Variants in CAMSAP1 observed in about 807,000 individuals in gnomAD.
CAMSAP1 encodes the protein calmodulin regulated spectrin associated protein 1.
Under a neutral mutation model 143.5 loss-of-function variants are expected in CAMSAP1, and 58 were observed. That is an observed-to-expected ratio of 0.40 (90% CI 0.33 to 0.50). The LOEUF (loss-of-function observed/expected upper bound fraction) is 0.50. Among genes scored for constraint, CAMSAP1 ranks in the 20% least tolerant of loss-of-function variants. The pLI is 0.45. For synonymous variants in CAMSAP1, 945 were observed against 859.3 expected (o/e 1.10, Z -1.74); for missense variants, 1,969 against 2,115.7 (o/e 0.93, Z 1.36).
chr9:135,822,366 A>G lies in CAMSAP1; in HGVS notation c.2295T>C (p.Ile765=). ...GCAGTTTGGCCGACTCTTCCTCCCC[A>G]ATGTATCTGCTGAAAACCACAGGAT... ...EAHPVVFSRY[I]GEEESAKLQE... Residue 765 remains isoleucine, a synonymous_variant, in exon 11 of 17, where the codon ATT becomes ATC. Coordinates refer to ENST00000389532, the MANE Select transcript of CAMSAP1 (RefSeq NM_015447.4). The surrounding 1 kb of genome is among the most constrained non-coding windows in gnomAD (Gnocchi z 6.1). The G allele has an allele frequency of 1.2e-6, 2 of 1,613,842 alleles. No individual in the cohort carries two copies. Among genetic ancestry groups the G allele is most frequent in the Non-Finnish European group, 1.7e-6 (2 of 1,179,880 alleles).
In CAMSAP1 at chr9:135,819,071, C is replaced by T. The variant is rs1463665091; in HGVS notation, c.3898G>A (p.Glu1300Lys). ...FLLKQQRKAEEARVRKQQLEA... is the reference protein window; with the variant it reads ...FLLKQQRKAEKARVRKQQLEA... ...AGCTGCTGCTTGCGCACGCGGGCCT[C>T]CTCGGCCTTGCGCTGCTGCTTCAGG... The change falls in exon 12 of 17, where the codon GAG becomes AAG. Residue 1300 changes from glutamate (E) to lysine (K), a missense_variant. By Grantham distance (56) the Glu-to-Lys change is moderately conservative (BLOSUM62 1). This residue lies in a region of CAMSAP1 where 1,390 missense variants were observed against 1,420.8 expected (regional missense o/e 0.98). Transcript: ENST00000389532. 6.2e-7 allele frequency: 1 copy of T among 1,605,316 alleles called. No individual in the cohort carries two copies. The highest frequency in any genetic ancestry group is 1.7e-5 in the Admixed American group (1 of 59,308).
Position 135,811,418 on chromosome 9 carries a change from A to G in CAMSAP1, c.4700T>C (p.Leu1567Ser). Reference sequence around the variant, plus strand: ...GACAGACATGGTTTTGGCTGGGATCAAGTTAAACTGTTTTCGGTCTGAGCT... The same window carrying G: ...GACAGACATGGTTTTGGCTGGGATCGAGTTAAACTGTTTTCGGTCTGAGCT... ...KYSSDRKQFNLIPAKTMSVSV... is the reference protein window; with the variant it reads ...KYSSDRKQFNSIPAKTMSVSV... The change falls in exon 17 of 17, where the codon TTG becomes TCG. Residue 1567 changes from leucine to serine, a missense_variant. Physicochemically the swap from Leu to Ser is moderately radical, Grantham distance 145. Coordinates refer to ENST00000389532, the MANE Select transcript of CAMSAP1 (RefSeq NM_015447.4). This position sits in a 1 kb window ranked among gnomAD's most constrained non-coding sequence, Gnocchi z 4.9. 1.9e-6 allele frequency: 3 copies of G among 1,612,968 alleles called. No individual in the cohort carries two copies. The highest frequency in any genetic ancestry group is 2.5e-6 in the Non-Finnish European group (3 of 1,179,420).
intron 1 of CAMSAP1, among the ~76,000 whole-genome samples, chr9:135,887,396 G>A (rs1478126250): frequency 3.3e-5 from 5 of 152,204 alleles, no homozygotes; most frequent in African/African-American, 7.2e-5. Flanking sequence ...AGAGACAGCC[G>A]CAGGCACAGA....
chr9:135,893,283 G>GA (rs574970229), intron 1 of CAMSAP1, among the ~76,000 whole-genome samples: 3 of 136,672 alleles, frequency 2.2e-5, no homozygotes, highest in African/African-American at 8.1e-5. Context: ...AAGAAAAAAA[G>GA]AAAAAAGGCA....
intron 7 of CAMSAP1, among the ~76,000 whole-genome samples, chr9:135,843,983 C>T (rs1453445071): frequency 6.6e-6 from 1 of 151,326 alleles, no homozygotes; most frequent in African/African-American, 2.4e-5. Flanking sequence ...TAGAAAGAGA[C>T]TTACACTGCC....
chr9:135,903,499 G>A (rs73561650), intron 1 of CAMSAP1, among the ~76,000 whole-genome samples: 2,764 of 152,272 alleles, frequency 0.018, 92 homozygotes, highest in African/African-American at 0.064. Flanking sequence ...ACAAGGCCTC[G>A]CCAAGGGCAA....
chr9:135,837,400 T>C (rs1392418518), intron 7 of CAMSAP1, among the ~76,000 whole-genome samples: 1 of 149,310 alleles, frequency 6.7e-6, no homozygotes, highest in South Asian at 2.1e-4. Flanking sequence ...TTCTGCCCGT[T>C]GTACAGACAC....
Position 135,818,989 on chromosome 9 carries a change from C to G in CAMSAP1, c.3959+21G>C. ...ACCAGGCTCCTGCTCAGTCTGCTTTCCCCCCCGGCGGGACGCTTACCGGGC... is the reference window on the plus strand; with the variant it reads ...ACCAGGCTCCTGCTCAGTCTGCTTTGCCCCCCGGCGGGACGCTTACCGGGC... On this transcript the variant is annotated intron_variant, in intron 12 of 16. Coordinates refer to ENST00000389532, the MANE Select transcript of CAMSAP1 (RefSeq NM_015447.4). The surrounding 1 kb of genome is among the most constrained non-coding windows in gnomAD (Gnocchi z 7.7). 1.9e-6 allele frequency: 3 copies of G among 1,600,290 alleles called. No individual in the cohort carries two copies. Among genetic ancestry groups the G allele is most frequent in the Non-Finnish European group, 2.5e-6 (3 of 1,177,778 alleles).
At position 135,821,743 on chromosome 9, in the gene CAMSAP1, T is replaced by C. The variant is rs1399015409; in HGVS notation, c.2918A>G (p.Asp973Gly). Residue 973 changes from aspartate (D) to glycine (G), a missense_variant, in exon 11 of 17, where the codon GAT becomes GGT. Coordinates refer to ENST00000389532, the MANE Select transcript of CAMSAP1 (RefSeq NM_015447.4). This position sits in a 1 kb window ranked among gnomAD's most constrained non-coding sequence, Gnocchi z 4.6. ...QREELLHEPQ[D>G]VDKESLAFAQ... ...AAAGGCCAGGCTCTCTTTGTCCACA[T>C]CCTGTGGCTCGTGAAGGAGCTCCTC... The C allele has an allele frequency of 4.3e-6, 7 of 1,613,886 alleles. No individual in the cohort carries two copies. Among genetic ancestry groups the C allele is most frequent in the Non-Finnish European group, 5.9e-6 (7 of 1,179,882 alleles).
At chr9:135,878,544 A>G (rs1837827995) in intron 3 of CAMSAP1, among the ~76,000 whole-genome samples, 1 of 152,226 alleles carries the variant, frequency 6.6e-6, no homozygotes, top group African/African-American at 2.4e-5. Flanking sequence ...ACCCTTATGG[A>G]AATCGTACCA....
At chr9:135,843,175 A>G (rs1279896716) in intron 7 of CAMSAP1, among the ~76,000 whole-genome samples, 1 of 152,024 alleles carries the variant, frequency 6.6e-6, no homozygotes, top group Non-Finnish European at 1.5e-5. Context: ...TAAAAATACA[A>G]AATTAGCCAG....
intron 7 of CAMSAP1, among the ~76,000 whole-genome samples, chr9:135,845,323 CAT>C (rs1324364606): frequency 6.6e-6 from 1 of 152,188 alleles, no homozygotes; most frequent in African/African-American, 2.4e-5. Flanking sequence ...AACACCCCTT[CAT>C]ACTAAAAACT....
At chr9:135,867,297 T>A (rs1290702937) in intron 3 of CAMSAP1, among the ~76,000 whole-genome samples, 1 of 151,954 alleles carries the variant, frequency 6.6e-6, no homozygotes, top group Non-Finnish European at 1.5e-5. Context: ...AATGAGAAAG[T>A]AGAAGAAAGG....
At chr9:135,887,735 A>T (rs1201190972) in intron 1 of CAMSAP1, among the ~76,000 whole-genome samples, 2 of 151,982 alleles carry the variant, frequency 1.3e-5, no homozygotes, top group Non-Finnish European at 2.9e-5. Flanking sequence ...CCCAGCCTGG[A>T]GGAAGTGGGG....
chr9:135,842,531 CG>C (rs1836395930), intron 7 of CAMSAP1, among the ~76,000 whole-genome samples: 1 of 152,090 alleles, frequency 6.6e-6, no homozygotes, highest in South Asian at 2.1e-4. Context: ...AACCCCAAGA[CG>C]CAATCATCAG....
In CAMSAP1 at chr9:135,862,576, C is replaced by T. The variant is rs767665777; in HGVS notation, c.699G>A (p.Arg233=). The change falls in exon 5 of 17, where the codon AGG becomes AGA. Residue 233 remains arginine, a synonymous_variant. Transcript: ENST00000389532. ...CCAACAACGGGAAGTAGGGTGACTGCCTAGCAGAAAGGTGCTCTCGTCGAT... is the reference window on the plus strand; with the variant it reads ...CCAACAACGGGAAGTAGGGTGACTGTCTAGCAGAAAGGTGCTCTCGTCGAT... The part of the protein sequence containing the change: ...VRYRREHLSA[R]QSPYFPLLED... 166 of 1,551,556 alleles carry T rather than the reference C, an allele frequency of 1.1e-4. 1 individual carries two copies. The highest frequency in any genetic ancestry group is 2.3e-4 in the South Asian group (19 of 84,062).
chr9:135,840,990 C>A lies in CAMSAP1; in HGVS notation c.1045+9147G>T, dbSNP rs368988276. Among the ~76,000 whole-genome samples, 2 of 152,172 alleles carry A rather than the reference C, an allele frequency of 1.3e-5. 1 individual carries two copies. The highest frequency in any genetic ancestry group is 4.2e-4 in the South Asian group (2 of 4,818). ...ACCCTAGTGGTGCCTGGAACGCCAG[C>A]GAGGCAGAACTGTTCATTCCCCTGG... On this transcript the variant is annotated intron_variant, in intron 7 of 16. Coordinates refer to ENST00000389532, the MANE Select transcript of CAMSAP1 (RefSeq NM_015447.4).
At chr9:135,847,879 AGGGGAGTG>A (rs1836618175) in intron 7 of CAMSAP1, among the ~76,000 whole-genome samples, 7 of 264 alleles carry the variant, frequency 0.027, no homozygotes, top group Admixed American at 0.045. Flanking sequence ...AGGGAAGGGG[AGGGGAGTG>A]GGGGGAGGGG....
intron 1 of CAMSAP1, among the ~76,000 whole-genome samples, chr9:135,889,978 ACAG>A (rs1212782976): frequency 6.6e-6 from 1 of 152,074 alleles, no homozygotes; most frequent in African/African-American, 2.4e-5. Flanking sequence ...CACAAACTGC[ACAG>A]CCTGAGCCTG....
Sources: allele counts gnomAD v4.1 joint callset (sites outside exome capture counted in the v4.1 genomes callset), GRCh38; gene constraint gnomAD v4.1.1; regional missense constraint gnomAD v4.1.1; non-coding constraint Gnocchi (gnomAD v3.1); transcripts MANE v1.5; gene names NCBI Gene and HGNC (gene_info 2026-07-23, HGNC 2026-07-21).